LTBR: variants seen among roughly 807,000 people sequenced by gnomAD.
The protein encoded by LTBR is lymphotoxin beta receptor, also known as tumor necrosis factor receptor superfamily member 3.
A neutral mutation model predicts 45.4 loss-of-function variants in LTBR; 15 were observed. The observed-to-expected ratio is 0.33, with a 90% CI of 0.22 to 0.51. The LOEUF (loss-of-function observed/expected upper bound fraction) is 0.51, where lower values mean the gene tolerates loss of function less well. Ranked by LOEUF, LTBR falls within the 20% of genes least tolerant of loss-of-function variation. LTBR has a pLI of 0.97. For missense variants in LTBR, 450 were observed against 565.5 expected, an observed-to-expected ratio of 0.80 and a Z score of 2.07; for synonymous variants, 228 against 231.0, an observed-to-expected ratio of 0.99 and a Z score of 0.12.
In LTBR at chr12:6,391,070, A is replaced by G; in HGVS notation, c.*133A>G. On this transcript the variant is annotated 3_prime_UTR_variant, in exon 10 of 10. Coordinates refer to ENST00000228918, the MANE Select transcript of LTBR (RefSeq NM_002342.3). ...AGAGCCCTAAGGGATTAAGGCTCAG[A>G]CACCTCTGAGAGCAGGTGGGCACTG... The G allele has an allele frequency of 2.1e-6, 2 of 960,462 alleles. No individual in the cohort carries two copies. Among genetic ancestry groups the G allele is most frequent in the Non-Finnish European group, 1.5e-6 (1 of 683,212 alleles). 59.5% of individuals were successfully genotyped at this position (960,462 alleles called of 1,614,324 possible).
At chr12:6,380,137 T>C (rs989982669), upstream of LTBR, among the ~76,000 whole-genome samples, 7 of 152,200 alleles carry the variant, frequency 4.6e-5, no homozygotes, top group Non-Finnish European at 1.0e-4. Flanking sequence ...ATCTATTAGA[T>C]GCTAGTAGCA....
At chr12:6,381,908 G>C (rs1355822215), upstream of LTBR, among the ~76,000 whole-genome samples, 1 of 152,190 alleles carries the variant, frequency 6.6e-6, no homozygotes, top group Non-Finnish European at 1.5e-5. Context: ...GGAGGCAGAG[G>C]TTGTAGTGAG....
chr12:6,376,048 C>G, intron 1 of LTBR: 1 of 993,484 alleles, frequency 1.0e-6, no homozygotes, highest in Non-Finnish European at 1.2e-6. Flanking sequence ...GGGGGGAGTC[C>G]CAAGTGTGCT....
intron 8 of LTBR, 103 bp from the exon 9 acceptor site, chr12:6,390,009 G>A (rs1413046791): frequency 1.3e-6 from 1 of 761,244 alleles, no homozygotes; most frequent in Non-Finnish European, 2.3e-6. Context: ...AAGGAAGGAA[G>A]GAAAGAAAGA....
Position 6,384,192 on chromosome 12 carries a change from C to T in LTBR, c.-167C>T. On this transcript the variant is annotated 5_prime_UTR_variant, in exon 1 of 10. Transcript: ENST00000228918. ...CACTTCCTGAGCTCCGCCATGGGAG[C>T]CCTGGAGGCCCGGCCTGGCCGCTCC... The T allele has an allele frequency of 1.5e-6, 2 of 1,308,758 alleles. No individual in the cohort carries two copies. Among genetic ancestry groups the T allele is most frequent in the Non-Finnish European group, 1.9e-6 (2 of 1,033,182 alleles). The allele number at this position is 1,308,758 out of a possible 1,614,324, so 81.1% of individuals were successfully genotyped here. A position where few individuals can be genotyped will look rare whatever the true frequency, so the allele number is the denominator to read the frequency against.
Position 6,384,472 on chromosome 12 carries a change from T to C in LTBR, c.96+18T>C. 1 of 1,568,364 alleles carries C rather than the reference T, an allele frequency of 6.4e-7. No homozygotes were observed. Among genetic ancestry groups the C allele is most frequent in the Non-Finnish European group, 8.6e-7 (1 of 1,157,512 alleles). ...CCCAGGCGGTGAGGAAGGGGCCTGG[T>C]AGGAGTGGGCGAGGGTGGGCAAGAG... On this transcript the variant is annotated intron_variant, in intron 1 of 9. Coordinates refer to ENST00000228918, the MANE Select transcript of LTBR (RefSeq NM_002342.3).
Position 6,377,628 on chromosome 12 carries a change from C to T in LTBR, c.39+2034C>T, listed in dbSNP as rs187704365. 665 of 1,301,912 alleles carry T rather than the reference C, an allele frequency of 5.1e-4. 8 individuals carry two copies. The South Asian group carries it at 7.0e-3, about 14-fold the overall frequency. The allele number at this position is 1,301,912 out of a possible 1,614,324, so 80.6% of individuals were successfully genotyped here. ...CCCACTGCCCCACATATCCCAGAGA[C>T]CCCTAGAAACTCCAGTCTCCCTTGA... On this transcript the variant is annotated intron_variant, in intron 1 of 9. Coordinates refer to the LTBR transcript ENST00000539925.
intron 1 of LTBR, among the ~76,000 whole-genome samples, chr12:6,378,165 G>A (rs932788386): frequency 6.6e-6 from 1 of 152,142 alleles, no homozygotes; most frequent in Non-Finnish European, 1.5e-5. Context: ...TTGTATATCT[G>A]TCTATATCTT....
chr12:6,386,013 G>A lies in LTBR; in HGVS notation c.473-53G>A, dbSNP rs1049695037. 2 of 1,281,952 alleles carry A rather than the reference G, an allele frequency of 1.6e-6. No individual in the cohort carries two copies. Among genetic ancestry groups the A allele is most frequent in the East Asian group, 4.6e-5 (2 of 43,248 alleles). The allele number at this position is 1,281,952 out of a possible 1,614,324, so 79.4% of individuals were successfully genotyped here. ...TAAAGGAAACTCACAGGCCGGCAAAGGGCCCCTCCCTTTTGCCCATTCACC... is the reference window on the plus strand; with the variant it reads ...TAAAGGAAACTCACAGGCCGGCAAAAGGCCCCTCCCTTTTGCCCATTCACC... On this transcript the variant is annotated intron_variant, in intron 4 of 9. Coordinates refer to ENST00000228918, the MANE Select transcript of LTBR (RefSeq NM_002342.3). This position sits in a 1 kb window ranked among gnomAD's most constrained non-coding sequence, Gnocchi z 4.1.
chr12:6,380,615 G>C (rs998043527), upstream of LTBR, among the ~76,000 whole-genome samples: 1 of 151,938 alleles, frequency 6.6e-6, no homozygotes, highest in Non-Finnish European at 1.5e-5. Flanking sequence ...ACTTGAACCT[G>C]GGAGGCGGAG....
At chr12:6,390,085 G>T (rs776599594) in intron 8 of LTBR, 27 bp from the exon 9 acceptor site, 8 of 1,520,948 alleles carry the variant, frequency 5.3e-6, no homozygotes, top group Non-Finnish European at 7.3e-6. Context: ...CCTCATCATT[G>T]TTTGGGTCTC....
chr12:6,383,982 CG>C, upstream of LTBR: 13 of 1,102,766 alleles, frequency 1.2e-5, no homozygotes, highest in Non-Finnish European at 1.4e-5. Flanking sequence ...CTCTCCCGAT[CG>C]GGCTTCCGAA....
rs1478190412 is a variant in LTBR at position 6,386,186 on chromosome 12, C to T, written c.569+24C>T. ...AGGTGAGTGCAGCCCCACCCAAGCT[C>T]CTTCCACCCTCTGAGAAGCCTCAGC... On this transcript the variant is annotated intron_variant, in intron 5 of 9. Coordinates refer to ENST00000228918, the MANE Select transcript of LTBR (RefSeq NM_002342.3). This position sits in a 1 kb window ranked among gnomAD's most constrained non-coding sequence, Gnocchi z 4.1. The T allele has an allele frequency of 6.3e-7, 1 of 1,592,380 alleles. No homozygotes were observed. The highest frequency in any genetic ancestry group is 1.3e-5 in the African/African-American group (1 of 74,450).
In LTBR at chr12:6,391,023, C is replaced by T. The variant is rs1161032818; in HGVS notation, c.*86C>T. 1.2e-5 allele frequency: 16 copies of T among 1,374,778 alleles called. No individual in the cohort carries two copies. Among genetic ancestry groups the T allele is most frequent in the African/African-American group, 1.5e-5 (1 of 67,930 alleles). The allele number at this position is 1,374,778 out of a possible 1,614,324, so 85.2% of individuals were successfully genotyped here. On this transcript the variant is annotated 3_prime_UTR_variant, in exon 10 of 10. Transcript: ENST00000228918. ...CCTGCCCACGTGGGATTCACAGGGG[C>T]CTGAGTAGGGCCCGGGGAAGCAGAG... is the stretch of plus-strand genomic sequence containing the variant.
At chr12:6,376,022 C>T in intron 1 of LTBR, 4 of 997,710 alleles carry the variant, frequency 4.0e-6, no homozygotes, top group Middle Eastern at 5.0e-4. Flanking sequence ...GAGTCTGTCT[C>T]CAGGAAGGAG....
intron 6 of LTBR, chr12:6,387,113 G>A (rs752148120): frequency 1.3e-5 from 2 of 152,238 alleles, no homozygotes; most frequent in Non-Finnish European, 2.9e-5. Flanking sequence ...GGTGTTATTA[G>A]AACCTGTACT....
chr12:6,375,531 G>A (rs1209708346), exon 1 of LTBR: 1 of 1,535,162 alleles, frequency 6.5e-7, no homozygotes, highest in African/African-American at 1.4e-5. Context: ...CCTGGCTGGG[G>A]AGCCCGCCCG....
Position 6,384,590 on chromosome 12 carries a change from G to T in LTBR, c.99G>T (p.Val33=). 1 of 1,613,944 alleles carries T rather than the reference G, an allele frequency of 6.2e-7. No homozygotes were observed. The highest frequency in any genetic ancestry group is 8.5e-7 in the Non-Finnish European group (1 of 1,179,778). Residue 33 remains valine (V), a splice_region_variant and synonymous_variant, in exon 2 of 10, where the codon GTG becomes GTT. Coordinates refer to ENST00000228918, the MANE Select transcript of LTBR (RefSeq NM_002342.3). ...CTCTTCTCCATCTCCCTTTGAAGGT[G>T]CCTCCATATGCGTCGGAGAACCAGA... ...GLLAASQPQA[V]PPYASENQTC...
rs1257353171 is a variant in LTBR, at chr12:6,386,228, C to T, written c.569+66C>T. On this transcript the variant is annotated intron_variant, in intron 5 of 9. Coordinates refer to ENST00000228918, the MANE Select transcript of LTBR (RefSeq NM_002342.3). The surrounding 1 kb of genome is among the most constrained non-coding windows in gnomAD (Gnocchi z 4.1). ...AGCCTCAGCTGCTAACAACCCCCAGCGCCTATCCTTGACACCACGGACTCG... is the reference window on the plus strand; with the variant it reads ...AGCCTCAGCTGCTAACAACCCCCAGTGCCTATCCTTGACACCACGGACTCG... 1.7e-5 allele frequency: 26 copies of T among 1,507,348 alleles called. No homozygotes were observed. The highest frequency in any genetic ancestry group is 1.8e-5 in the Non-Finnish European group (20 of 1,084,946). The allele number at this position is 1,507,348 out of a possible 1,614,324, so 93.4% of individuals were successfully genotyped here. A position where few individuals can be genotyped will look rare whatever the true frequency, so the allele number is the denominator to read the frequency against.
Sources: gnomAD v4.1 joint callset for allele counts (sites outside exome capture counted in the v4.1 genomes callset) on GRCh38, gnomAD v4.1.1 for gene constraint, Gnocchi (gnomAD v3.1) non-coding constraint, MANE v1.5 for transcripts, NCBI Gene and HGNC (gene_info 2026-07-23, HGNC 2026-07-21) for gene names.